LRGUK: variants seen among roughly 807,000 people sequenced by gnomAD.
The protein encoded by LRGUK is leucine-rich repeat and guanylate kinase domain-containing protein.
In LRGUK, 65 loss-of-function variants were observed where a neutral mutation model predicts 76.0. The ratio of observed to expected loss-of-function variants is 0.85; its 90% CI spans 0.70 to 1.05. The LOEUF (loss-of-function observed/expected upper bound fraction) is 1.05, where lower values mean the gene tolerates loss of function less well. LRGUK is among the 50% of genes least tolerant of loss of function. LRGUK has a pLI of 0.00. For missense variants in LRGUK, 758 were observed against 732.8 expected, an observed-to-expected ratio of 1.03 and a Z score of -0.40; for synonymous variants, 268 against 265.6, an observed-to-expected ratio of 1.01 and a Z score of -0.09.
Position 134,197,109 on chromosome 7 carries a change from A to C in LRGUK, c.1545+4A>C, listed in dbSNP as rs755175021. ...CTGTATTCATATGGAAATAGAAGTA[A>C]GTGTTTTCATTCAACCAATTAATGT... On this transcript the variant is annotated splice_donor_region_variant and intron_variant, in intron 13 of 15. Transcript: ENST00000645682. 9.7e-6 allele frequency: 15 copies of C among 1,552,004 alleles called. No individual in the cohort carries two copies. Among genetic ancestry groups the C allele is most frequent in the Non-Finnish European group, 1.3e-5 (15 of 1,124,150 alleles).
intron 8 of LRGUK, among the ~76,000 whole-genome samples, 185 bp from the exon 9 acceptor site, chr7:134,176,792 A>G (rs1226459974): frequency 1.3e-5 from 2 of 152,216 alleles, no homozygotes; most frequent in African/African-American, 4.8e-5. Context: ...ATAAGTTACA[A>G]GGCACAGTCT....
At chr7:134,183,943 A>AC in intron 11 of LRGUK, 90 bp downstream of exon 11, 1 of 1,474,028 alleles carries the variant, frequency 6.8e-7, no homozygotes, top group Non-Finnish European at 9.3e-7. Flanking sequence ...CGATATTGCT[A>AC]ATGTTGGCTA....
downstream of LRGUK, among the ~76,000 whole-genome samples, chr7:134,269,486 G>T (rs1227695099): frequency 1.3e-5 from 2 of 150,932 alleles, no homozygotes; most frequent in Non-Finnish European, 2.9e-5. Context: ...CCAACTAGCT[G>T]GGAATACAGA....
intron 1 of LRGUK, among the ~76,000 whole-genome samples, chr7:134,128,559 TTA>T (rs1697926647): frequency 6.6e-6 from 1 of 152,184 alleles, no homozygotes; most frequent in African/African-American, 2.4e-5. Flanking sequence ...TCTATTTTGT[TTA>T]TGTTTTTGAG....
intron 4 of LRGUK, among the ~76,000 whole-genome samples, chr7:134,145,734 T>C (rs1200774785): frequency 1.3e-5 from 2 of 152,216 alleles, no homozygotes; most frequent in African/African-American, 4.8e-5. Context: ...CAGGCTCATG[T>C]ACTATGCTCC....
intron 6 of LRGUK, among the ~76,000 whole-genome samples, chr7:134,160,830 A>C (rs1798697042): frequency 6.6e-6 from 1 of 152,186 alleles, no homozygotes. Flanking sequence ...TCTTTTCCCA[A>C]CTAATCATTA....
intron 18 of LRGUK, among the ~76,000 whole-genome samples, 186 bp downstream of exon 18, chr7:134,249,262 A>G (rs1460668752): frequency 6.6e-6 from 1 of 152,152 alleles, no homozygotes; most frequent in Non-Finnish European, 1.5e-5. Flanking sequence ...ACCTAGGTTC[A>G]CCATTGGAAG....
downstream of LRGUK, among the ~76,000 whole-genome samples, chr7:134,267,113 A>G (rs1425514929): frequency 6.6e-6 from 1 of 152,202 alleles, no homozygotes; most frequent in African/African-American, 2.4e-5. Context: ...CAACAAACCT[A>G]TCCTAAAAGA....
At chr7:134,189,411 G>A (rs545418803) in intron 11 of LRGUK, among the ~76,000 whole-genome samples, 7 of 152,036 alleles carry the variant, frequency 4.6e-5, no homozygotes, top group South Asian at 4.2e-4. Flanking sequence ...CATATAACAC[G>A]GTGAACATTT....
intron 15 of LRGUK, among the ~76,000 whole-genome samples, chr7:134,207,670 T>C (rs751210408): frequency 1.3e-5 from 2 of 152,168 alleles, no homozygotes; most frequent in Non-Finnish European, 2.9e-5. Context: ...GAGCCTGGTT[T>C]GCCTCTGGGG....
At chr7:134,148,119 T>A (rs1378078783) in intron 4 of LRGUK, 119 bp from the exon 5 acceptor site, 5 of 655,976 alleles carry the variant, frequency 7.6e-6, no homozygotes, top group Non-Finnish European at 1.0e-5. Context: ...TAGTGTGTAC[T>A]TTCAGTAATG....
At position 134,257,923 on chromosome 7, in the gene LRGUK, T is replaced by C. The variant is rs185616080; in HGVS notation, c.2199-334T>C. ...TCTATCCTTGAAATAGCACTGATTC[T>C]AAAATCCTGGAGATTAGGATCTGCG... is the stretch of plus-strand genomic sequence containing the variant. On this transcript the variant is annotated intron_variant, in intron 18 of 19. Transcript: ENST00000285928. Among the ~76,000 whole-genome samples the C allele has an allele frequency of 3.9e-4, 60 of 152,350 alleles. 1 individual carries two copies. Among genetic ancestry groups the C allele is most frequent in the African/African-American group, 1.3e-3 (55 of 41,590 alleles).
At chr7:134,134,955 G>T (rs1335515092) in intron 1 of LRGUK, among the ~76,000 whole-genome samples, 1 of 152,108 alleles carries the variant, frequency 6.6e-6, no homozygotes, top group Non-Finnish European at 1.5e-5. Flanking sequence ...AAAAGAAGGT[G>T]TTGGGAAGGA....
chr7:134,264,074 C>A (rs567878932), exon 20 of LRGUK: 68 of 1,197,788 alleles, frequency 5.7e-5, no homozygotes, highest in Non-Finnish European at 5.9e-5. Context: ...TCTCACTCAA[C>A]CCATTACCCA....
rs572143638 is a variant in LRGUK at position 134,244,779 on chromosome 7, A to G, written c.1984-2777A>G. On this transcript the variant is annotated intron_variant, in intron 16 of 19. Coordinates refer to the LRGUK transcript ENST00000285928. ...ATATGTTTATTGCGGCACTATTCAC[A>G]ATAGCAAAGACTTGGAACCAACCCA... 8.5e-5 allele frequency among the ~76,000 whole-genome samples: 13 copies of G among 152,318 alleles called. 1 individual carries two copies. The highest frequency in any genetic ancestry group is 2.1e-4 in the South Asian group (1 of 4,826).
intron 7 of LRGUK, among the ~76,000 whole-genome samples, chr7:134,170,486 A>G: frequency 6.6e-6 from 1 of 152,112 alleles, no homozygotes; most frequent in East Asian, 1.9e-4. Flanking sequence ...TGAGGTGACT[A>G]TAGTTAATAA....
intron 16 of LRGUK, among the ~76,000 whole-genome samples, chr7:134,227,859 T>A (rs1801800940): frequency 6.6e-6 from 1 of 152,022 alleles, no homozygotes; most frequent in Non-Finnish European, 1.5e-5. Context: ...ATGGGAAATA[T>A]AGTGGAAGAG....
At chr7:134,178,934 A>AAAAAAAAAAAAAAAAAAAAAACC (rs376955591) in intron 10 of LRGUK, among the ~76,000 whole-genome samples, 3 of 78,162 alleles carry the variant, frequency 3.8e-5, no homozygotes, top group African/African-American at 1.6e-4. Context: ...CTCAAAAAAA[A>AAAAAAAAAAAAAAAAAAAAAACC]AAAAAAAAAA....
At chr7:134,130,886 T>C (rs889124075) in intron 1 of LRGUK, among the ~76,000 whole-genome samples, 10 of 152,336 alleles carry the variant, frequency 6.6e-5, no homozygotes, top group Middle Eastern at 3.4e-3. Flanking sequence ...CCTCTCTCAT[T>C]CTTCATGTGG....
Sources: allele counts gnomAD v4.1 joint callset (sites outside exome capture counted in the v4.1 genomes callset), GRCh38; gene constraint gnomAD v4.1.1; transcripts MANE v1.5; gene names NCBI Gene and HGNC (gene_info 2026-07-23, HGNC 2026-07-21).